The following ARHGAP24 variants were observed in gnomAD, a reference collection of about 807,000 sequenced individuals.
ARHGAP24 encodes the protein rho GTPase-activating protein 24.
A neutral mutation model predicts 76.4 loss-of-function variants in ARHGAP24; 50 were observed. The observed-to-expected ratio is 0.65, with a 90% CI of 0.52 to 0.83. ARHGAP24 has a LOEUF of 0.83. Ranked by LOEUF, ARHGAP24 falls within the 40% of genes least tolerant of loss-of-function variation. The pLI, the probability that ARHGAP24 is intolerant of heterozygous loss-of-function variation, is 0.00. For synonymous variants in ARHGAP24, 345 were observed against 323.3 expected, an observed-to-expected ratio of 1.07 and a Z score of -0.72; for missense variants, 930 against 914.2, an observed-to-expected ratio of 1.02 and a Z score of -0.22.
chr4:85,583,744 A>C lies in ARHGAP24; in HGVS notation c.180+13023A>C, dbSNP rs528489618. 2.4e-4 allele frequency among the ~76,000 whole-genome samples: 36 copies of C among 148,864 alleles called. No individual in the cohort carries two copies. The South Asian group carries it at 7.4e-3, about 31-fold the overall frequency. Reference sequence around the variant, plus strand: ...CTACAATGAACTCAAACAAATTTACAAGAAAAAAAAAAAAACCCCATCAAA... The same window carrying C: ...CTACAATGAACTCAAACAAATTTACCAGAAAAAAAAAAAAACCCCATCAAA... On this transcript the variant is annotated intron_variant, in intron 2 of 9. Coordinates refer to ENST00000395184, the MANE Select transcript of ARHGAP24 (RefSeq NM_001025616.3).
intron 3 of ARHGAP24, chr4:85,827,662 G>A (rs1373874524): frequency 4.7e-6 from 1 of 214,376 alleles, no homozygotes; most frequent in East Asian, 1.1e-4. Flanking sequence ...TGGAGTTTAG[G>A]GTCTTTCCAT....
rs1288919202 is a variant in ARHGAP24 at position 85,475,367 on chromosome 4, G to C, written c.-213G>C. The stretch of plus-strand genomic sequence containing the variant: ...TTCCCATCGCAGGCGCAGCTCTCTC[G>C]GCCGCCTATTTCCTCCGAAACCCGC... On this transcript the variant is annotated 5_prime_UTR_variant, in exon 1 of 10. Coordinates refer to ENST00000395184, the MANE Select transcript of ARHGAP24 (RefSeq NM_001025616.3). 1 of 152,824 alleles carries C rather than the reference G, an allele frequency of 6.5e-6. No individual in the cohort carries two copies. Among genetic ancestry groups the C allele is most frequent in the African/African-American group, 2.4e-5 (1 of 41,440 alleles). 9.5% of individuals were successfully genotyped at this position (152,824 alleles called of 1,614,324 possible).
chr4:85,507,319 A>G (rs1207219084), intron 1 of ARHGAP24, among the ~76,000 whole-genome samples: 1 of 152,106 alleles, frequency 6.6e-6, no homozygotes. Flanking sequence ...CATACTGGGC[A>G]CAAGTGATCC....
At chr4:85,517,015 G>C (rs544122891) in intron 1 of ARHGAP24, among the ~76,000 whole-genome samples, 3 of 152,150 alleles carry the variant, frequency 2.0e-5, no homozygotes, top group Non-Finnish European at 2.9e-5. Context: ...CCCAACCTCA[G>C]TTTTCCATCT....
intron 2 of ARHGAP24, among the ~76,000 whole-genome samples, chr4:85,694,983 A>G (rs113774301): frequency 1.6e-4 from 25 of 152,032 alleles, no homozygotes; most frequent in African/African-American, 5.8e-4. Context: ...TGTTAGCTCA[A>G]TTACGACAAC....
At chr4:85,897,830 A>G (rs1472361643) in intron 3 of ARHGAP24, among the ~76,000 whole-genome samples, 1 of 151,818 alleles carries the variant, frequency 6.6e-6, no homozygotes, top group East Asian at 1.9e-4. Context: ...TAGCAGTATC[A>G]GATAAGTGAG....
intron 2 of ARHGAP24, among the ~76,000 whole-genome samples, chr4:85,669,986 A>G (rs1397766958): frequency 6.6e-6 from 1 of 151,922 alleles, no homozygotes; most frequent in Non-Finnish European, 1.5e-5. Context: ...TCAGAAGGAG[A>G]CTAGAAAAGT....
intron 3 of ARHGAP24, among the ~76,000 whole-genome samples, chr4:85,903,400 G>C (rs1510581): frequency 0.015 from 2,260 of 152,052 alleles, 58 homozygotes; most frequent in African/African-American, 0.051. Context: ...AAATCTTATA[G>C]TTTGTTCACC....
chr4:85,745,916 A>G (rs1017733807), intron 3 of ARHGAP24, among the ~76,000 whole-genome samples: 1 of 152,218 alleles, frequency 6.6e-6, no homozygotes, highest in Non-Finnish European at 1.5e-5. Flanking sequence ...CTATGATTCC[A>G]AAACCCAGTG....
At chr4:85,663,757 T>C (rs576010649) in intron 2 of ARHGAP24, among the ~76,000 whole-genome samples, 1 of 152,078 alleles carries the variant, frequency 6.6e-6, no homozygotes, top group South Asian at 2.1e-4. Context: ...AAAGGCTTTT[T>C]CTGCATCTAT....
Position 85,586,070 on chromosome 4 carries a change from T to A in ARHGAP24, c.180+15349T>A, listed in dbSNP as rs577893344. On this transcript the variant is annotated intron_variant, in intron 2 of 9. Coordinates refer to ENST00000395184, the MANE Select transcript of ARHGAP24 (RefSeq NM_001025616.3). ...TCTCAGAAAATGATTGCAGGAGCAT[T>A]TGCCCCACTCTGGGAAGGTCAAGTG... Among the ~76,000 whole-genome samples the A allele has an allele frequency of 1.2e-3, 182 of 152,332 alleles. 2 individuals carry two copies. In the South Asian group the frequency reaches 0.036, roughly 31 times the overall value.
chr4:85,546,946 T>C (rs901407810), intron 1 of ARHGAP24, among the ~76,000 whole-genome samples: 1 of 152,344 alleles, frequency 6.6e-6, no homozygotes, highest in African/African-American at 2.4e-5. Flanking sequence ...TCTGAAGTGT[T>C]TGAAAGTGAG....
At chr4:85,534,262 A>T in intron 1 of ARHGAP24, among the ~76,000 whole-genome samples, 1 of 149,826 alleles carries the variant, frequency 6.7e-6, no homozygotes, top group East Asian at 1.9e-4. Flanking sequence ...AAAGAAAAAT[A>T]AGGATTATTG....
At position 86,001,266 on chromosome 4, in the gene ARHGAP24, C is replaced by CAA; in HGVS notation, c.*548_*549dup. On this transcript the variant is annotated 3_prime_UTR_variant, in exon 10 of 10. Coordinates refer to ENST00000395184, the MANE Select transcript of ARHGAP24 (RefSeq NM_001025616.3). ...TTGTGCCAATAGACTTTGTCATGAC[C>CAA]AAAAAGAGAAATGTAAATAGTTTTA... is the stretch of plus-strand genomic sequence containing the variant. 5.0e-6 allele frequency: 2 copies of CAA among 398,778 alleles called. No individual in the cohort carries two copies. Among genetic ancestry groups the CAA allele is most frequent in the Non-Finnish European group, 8.8e-6 (2 of 226,054 alleles). 24.7% of individuals were successfully genotyped at this position (398,778 alleles called of 1,614,324 possible).
chr4:85,943,665 T>C (rs529216418), intron 5 of ARHGAP24, among the ~76,000 whole-genome samples: 1 of 152,240 alleles, frequency 6.6e-6, no homozygotes, highest in African/African-American at 2.4e-5. Flanking sequence ...TGTGTCCATG[T>C]ATTCTCATTG....
intron 3 of ARHGAP24, among the ~76,000 whole-genome samples, chr4:85,897,430 A>C (rs1227636411): frequency 2.6e-5 from 4 of 152,342 alleles, no homozygotes; most frequent in African/African-American, 9.6e-5. Flanking sequence ...TGGTTCAGTC[A>C]CCTGTTGATG....
At chr4:85,923,874 A>T (rs1194652968) in intron 4 of ARHGAP24, 104 bp downstream of exon 4, 2 of 1,510,812 alleles carry the variant, frequency 1.3e-6, no homozygotes, top group African/African-American at 2.8e-5. Flanking sequence ...CAAGTGGGTG[A>T]ATGTTAAAAT....
At chr4:85,898,387 A>G (rs1404809414) in intron 3 of ARHGAP24, among the ~76,000 whole-genome samples, 1 of 152,116 alleles carries the variant, frequency 6.6e-6, no homozygotes, top group Non-Finnish European at 1.5e-5. Context: ...TCATGCCTAA[A>G]CTAGGGTGCA....
At position 85,994,770 on chromosome 4, in the gene ARHGAP24, G is replaced by A. The variant is rs11547776; in HGVS notation, c.1116G>A (p.Arg372=). The A allele has an allele frequency of 0.23, 372,719 of 1,613,854 alleles. 45,398 individuals carry two copies. The highest frequency in any genetic ancestry group is 0.38 in the South Asian group (35,044 of 91,070). Residue 372 remains arginine, a synonymous_variant, in exon 9 of 10, where the codon AGG becomes AGA. Transcript: ENST00000395184. ...ENNNTKDSPS[R]QCSWDKSESP... Reference sequence around the variant, plus strand: ...ATAACACCAAGGACAGCCCTAGTAGGCAGTGCTCCTGGGACAAGTCTGAGT... The same window carrying A: ...ATAACACCAAGGACAGCCCTAGTAGACAGTGCTCCTGGGACAAGTCTGAGT...
Sources: allele counts gnomAD v4.1 joint callset (sites outside exome capture counted in the v4.1 genomes callset), GRCh38; gene constraint gnomAD v4.1.1; transcripts MANE v1.5; gene names NCBI Gene and HGNC (gene_info 2026-07-23, HGNC 2026-07-21).